Variants in NOTCH1 observed in about 807,000 individuals in gnomAD.
NOTCH1 encodes neurogenic locus notch homolog protein 1.
Under a neutral mutation model 254.8 loss-of-function variants are expected in NOTCH1, and 37 were observed. That is an observed-to-expected ratio of 0.15 (90% CI 0.11 to 0.19). The LOEUF (loss-of-function observed/expected upper bound fraction) is 0.19. NOTCH1 is among the 10% of genes least tolerant of loss of function. The pLI is 1.00. For missense variants in NOTCH1, 2,972 were observed against 3,708.6 expected (o/e 0.80, Z 5.16); for synonymous variants, 1,731 against 1,618.1 (o/e 1.07, Z -1.68).
At position 136,513,660 on chromosome 9, in the gene NOTCH1, G is replaced by T; in HGVS notation, c.2208-123C>A. On this transcript the variant is annotated intron_variant, in intron 13 of 33. Coordinates refer to ENST00000651671, the MANE Select transcript of NOTCH1 (RefSeq NM_017617.5). The surrounding 1 kb of genome is among the most constrained non-coding windows in gnomAD (Gnocchi z 4.7). ...GTGCCCATCCACTCAGACTCGCAGA[G>T]TCCTTTAGTGGGGGCAGGCTGGGCG... 1 of 1,093,462 alleles carries T rather than the reference G, an allele frequency of 9.1e-7. No homozygotes were observed. Among genetic ancestry groups the T allele is most frequent in the Non-Finnish European group, 1.3e-6 (1 of 745,044 alleles). The allele number at this position is 1,093,462 out of a possible 1,614,324, so 67.7% of individuals were successfully genotyped here. A position where few individuals can be genotyped will look rare whatever the true frequency, so the allele number is the denominator to read the frequency against.
At chr9:136,531,627 C>T (rs1843560955) in intron 2 of NOTCH1, among the ~76,000 whole-genome samples, 1 of 152,178 alleles carries the variant, frequency 6.6e-6, no homozygotes, top group African/African-American at 2.4e-5. Flanking sequence ...TTCCTCCCGC[C>T]CAGCAGGAGG....
rs745590123 is a variant in NOTCH1 at position 136,523,768 on chromosome 9, C to T, written c.352G>A (p.Asp118Asn). The change falls in exon 3 of 34, where the codon GAC becomes AAC. Residue 118 changes from aspartate (D) to asparagine (N), a missense_variant. Physicochemically the swap from Asp to Asn is conservative, Grantham distance 23. This residue lies in a region of NOTCH1 where 374 missense variants were observed against 496.3 expected (regional missense o/e 0.75). Coordinates refer to ENST00000651671, the MANE Select transcript of NOTCH1 (RefSeq NM_017617.5). ...TTGTACTCCGTCAGCGTGAGCAGGT[C>T]GCAGGTGCCCCCGTTGCGGCAGGGG... ...TNPCRNGGTC[D>N]LLTLTEYKCR... 17 of 1,611,430 alleles carry T rather than the reference C, an allele frequency of 1.1e-5. No individual in the cohort carries two copies. The highest frequency in any genetic ancestry group is 2.2e-5 in the South Asian group (2 of 90,840).
chr9:136,505,516 G>A lies in NOTCH1; in HGVS notation c.4380C>T (p.Asn1460=), dbSNP rs2133339474. 6.2e-7 allele frequency: 1 copy of A among 1,612,628 alleles called. No homozygotes were observed. The highest frequency in any genetic ancestry group is 8.5e-7 in the Non-Finnish European group (1 of 1,179,966). ...ELPECQEDAG[N]KVCSLQCNNH... ...TGTTGCACTGCAGGCTGCAGACCTTGTTGCCCGCGTCCTCCTGGCACTCGG... is the reference window on the plus strand; with the variant it reads ...TGTTGCACTGCAGGCTGCAGACCTTATTGCCCGCGTCCTCCTGGCACTCGG... Residue 1460 remains asparagine (N), a synonymous_variant, in exon 25 of 34, where the codon AAC becomes AAT. Coordinates refer to ENST00000651671, the MANE Select transcript of NOTCH1 (RefSeq NM_017617.5).
At chr9:136,509,285 A>T (rs1007500527) in intron 18 of NOTCH1, among the ~76,000 whole-genome samples, 1 of 152,158 alleles carries the variant, frequency 6.6e-6, no homozygotes, top group Non-Finnish European at 1.5e-5. Context: ...TGCTTTCTTT[A>T]TAAGTCAGGT....
chr9:136,531,885 G>A (rs1013126093), intron 2 of NOTCH1, among the ~76,000 whole-genome samples: 3 of 152,206 alleles, frequency 2.0e-5, no homozygotes, highest in South Asian at 2.1e-4. Context: ...CACACCCGCC[G>A]GCTCCCTGCT....
chr9:136,515,831 TC>T, intron 10 of NOTCH1, 115 bp from the exon 11 acceptor site: 1 of 1,173,856 alleles, frequency 8.5e-7, no homozygotes, highest in Non-Finnish European at 1.2e-6. Context: ...AGCGTGGCAT[TC>T]CCACCTACTC....
rs751456570 is a variant in NOTCH1, at chr9:136,497,059, G to A, written c.6680C>T (p.Pro2227Leu). The change falls in exon 34 of 34, where the codon CCG becomes CTG. Residue 2227 changes from proline to leucine, a missense_variant. Coordinates refer to ENST00000651671, the MANE Select transcript of NOTCH1 (RefSeq NM_017617.5). Reference protein sequence around the residue: ...PLLPSPFQQSPSVPLNHLPGM... With the variant: ...PLLPSPFQQSLSVPLNHLPGM... ...AGGCAGGTGGTTGAGGGGCACGGAC[G>A]GAGACTGCTGGAACGGGGAGGGCAG... The A allele has an allele frequency of 3.1e-6, 5 of 1,609,512 alleles. No individual in the cohort carries two copies. Among genetic ancestry groups the A allele is most frequent in the East Asian group, 2.2e-5 (1 of 44,800 alleles).
At chr9:136,526,390 G>C (rs143577914) in intron 2 of NOTCH1, among the ~76,000 whole-genome samples, 2 of 152,356 alleles carry the variant, frequency 1.3e-5, no homozygotes, top group African/African-American at 4.8e-5. Flanking sequence ...GTACAGGACA[G>C]AGGGCGCTCG....
intron 2 of NOTCH1, among the ~76,000 whole-genome samples, chr9:136,534,327 T>A (rs1843608228): frequency 6.6e-6 from 1 of 152,084 alleles, no homozygotes; most frequent in Admixed American, 6.5e-5. Flanking sequence ...AACAACCAAT[T>A]CAAGCCCTTC....
intron 33 of NOTCH1, among the ~76,000 whole-genome samples, chr9:136,498,654 G>A (rs1842951891): frequency 6.6e-6 from 1 of 152,200 alleles, no homozygotes; most frequent in African/African-American, 2.4e-5. Flanking sequence ...CTGGGTCTGA[G>A]GGGCGAGCCG....
chr9:136,542,329 CA>C (rs1470270325), intron 2 of NOTCH1, among the ~76,000 whole-genome samples: 1 of 152,142 alleles, frequency 6.6e-6, no homozygotes, highest in Admixed American at 6.5e-5. Context: ...GGGTGAGAGG[CA>C]AAGTCCGAGC....
intron 17 of NOTCH1, 70 bp from the exon 18 acceptor site, chr9:136,510,031 G>A (rs1843154043): frequency 7.0e-7 from 1 of 1,428,626 alleles, no homozygotes; most frequent in African/African-American, 1.4e-5. Flanking sequence ...GGGCCGGGAA[G>A]GCTGCATGGC....
rs2133318164 is a variant in NOTCH1 at position 136,497,216 on chromosome 9, C to A, written c.6523G>T (p.Asp2175Tyr). Reference protein sequence around the residue: ...GLACGSKEAKDLKARRKKSQD... With the variant: ...GLACGSKEAKYLKARRKKSQD... ...GACTTCTTCCTCCGTGCCTTGAGGT[C>A]CTTGGCCTCCTTGCTTCCACAGGCC... The change falls in exon 34 of 34, where the codon GAC becomes TAC. Residue 2175 changes from aspartate to tyrosine, a missense_variant. Asp to Tyr is a radical substitution (Grantham distance 160, BLOSUM62 -3). This residue lies in a region of NOTCH1 where 529 missense variants were observed against 529.2 expected (regional missense o/e 1.00). Transcript: ENST00000651671. 6.2e-7 allele frequency: 1 copy of A among 1,612,734 alleles called. No individual in the cohort carries two copies. The highest frequency in any genetic ancestry group is 1.7e-5 in the Admixed American group (1 of 60,026).
Position 136,508,363 on chromosome 9 carries a change from G to A in NOTCH1, c.3194C>T (p.Ser1065Phe), listed in dbSNP as rs772942992. ...NCQNLVHWCD[S>F]SPCKNGGKCW... ...TTTGCCGCCGTTCTTGCAGGGCGAGGAGTCACACCAGTGCACAAGGTTCTG... is the reference window on the plus strand; with the variant it reads ...TTTGCCGCCGTTCTTGCAGGGCGAGAAGTCACACCAGTGCACAAGGTTCTG... Residue 1065 changes from serine to phenylalanine, a missense_variant, in exon 20 of 34, where the codon TCC becomes TTC. Transcript: ENST00000651671. 2 of 1,613,150 alleles carry A rather than the reference G, an allele frequency of 1.2e-6. No individual in the cohort carries two copies. Among genetic ancestry groups the A allele is most frequent in the South Asian group, 1.1e-5 (1 of 91,096 alleles).
Position 136,497,310 on chromosome 9 carries a change from G to A in NOTCH1, c.6429C>T (p.Asn2143=), listed in dbSNP as rs369845924. ...PTLSPPLCSP[N]GYLGSLKPGV... ...CGGGCTTGAGGCTGCCCAGGTAGCC[G>A]TTGGGCGAGCAGAGCGGGGGCGACA... The change falls in exon 34 of 34, where the codon AAC becomes AAT. Residue 2143 remains asparagine, a synonymous_variant. Coordinates refer to ENST00000651671, the MANE Select transcript of NOTCH1 (RefSeq NM_017617.5). 651 of 1,607,382 alleles carry A rather than the reference G, an allele frequency of 4.1e-4. No homozygotes were observed. Among genetic ancestry groups the A allele is most frequent in the Non-Finnish European group, 5.2e-4 (609 of 1,179,750 alleles).
In NOTCH1 at chr9:136,506,445, G is replaced by A. The variant is rs1277195607; in HGVS notation, c.4014+82C>T. On this transcript the variant is annotated intron_variant, in intron 24 of 33. Transcript: ENST00000651671. This position sits in a 1 kb window ranked among gnomAD's most constrained non-coding sequence, Gnocchi z 4.5. ...TGAAGGCCGGGAGGATCACTGCCCG[G>A]TCTGCGCCCCGAGGCCCCCACGTGG... 5.2e-5 allele frequency: 64 copies of A among 1,235,614 alleles called. No individual in the cohort carries two copies. Among genetic ancestry groups the A allele is most frequent in the Non-Finnish European group, 7.2e-5 (63 of 872,582 alleles). The allele number at this position is 1,235,614 out of a possible 1,614,324, so 76.5% of individuals were successfully genotyped here. A position where few individuals can be genotyped will look rare whatever the true frequency, so the allele number is the denominator to read the frequency against.
At chr9:136,512,979 T>TA in intron 15 of NOTCH1, 42 bp downstream of exon 15, 32 of 379,972 alleles carry the variant, frequency 8.4e-5, no homozygotes, top group Admixed American at 2.9e-4. Flanking sequence ...CCCTCCCACA[T>TA]AGGCCCCGCC....
rs560826996 is a variant in NOTCH1, at chr9:136,523,181, C to A, written c.411G>T (p.Ser137=). Residue 137 remains serine (S), a synonymous_variant, in exon 4 of 34, where the codon TCG becomes TCT. Transcript: ENST00000651671. ...CRCPPGWSGK[S]CQQADPCASN... ...AGGCGCACGGGTCAGCCTGCTGGCACGATTTCCCTGGAGACAAGGGGACAA... is the reference window on the plus strand; with the variant it reads ...AGGCGCACGGGTCAGCCTGCTGGCAAGATTTCCCTGGAGACAAGGGGACAA... 23 of 1,601,354 alleles carry A rather than the reference C, an allele frequency of 1.4e-5. No homozygotes were observed. In the South Asian group the frequency reaches 2.6e-4, roughly 18 times the overall value.
rs770755811 is a variant in NOTCH1, at chr9:136,501,767, G to A, written c.5619C>T (p.Asp1873=). Reference sequence around the variant, plus strand: ...CCTTACCAGGCCCGCGGACATTGACGTCCATGCAGTCGGCGTCAACCTCAC... The same window carrying A: ...CCTTACCAGGCCCGCGGACATTGACATCCATGCAGTCGGCGTCAACCTCAC... ...PQGEVDADCM[D]VNVRGPDGFT... The change falls in exon 30 of 34, where the codon GAC becomes GAT. Residue 1873 remains aspartate (D), a synonymous_variant. Transcript: ENST00000651671. 2.7e-5 allele frequency: 43 copies of A among 1,612,142 alleles called. No individual in the cohort carries two copies. Among genetic ancestry groups the A allele is most frequent in the East Asian group, 6.7e-5 (3 of 44,884 alleles).
Sources: gnomAD v4.1 joint callset for allele counts (sites outside exome capture counted in the v4.1 genomes callset) on GRCh38, gnomAD v4.1.1 for gene constraint, gnomAD v4.1.1 regional missense constraint, Gnocchi (gnomAD v3.1) non-coding constraint, MANE v1.5 for transcripts, NCBI Gene and HGNC (gene_info 2026-07-23, HGNC 2026-07-21) for gene names.